FAT3: variants seen among roughly 807,000 people sequenced by gnomAD.
FAT3 encodes FAT atypical cadherin 3, also known as protocadherin Fat 3.
In FAT3, 95 loss-of-function variants were observed where a neutral mutation model predicts 310.2. The observed-to-expected ratio is 0.31, with a 90% CI of 0.26 to 0.36. The LOEUF is 0.36. Ranked by LOEUF, FAT3 falls within the 10% of genes least tolerant of loss-of-function variation. The pLI is 1.00. For synonymous variants in FAT3, 2,314 were observed against 2,192.9 expected (o/e 1.06, Z -1.54); for missense variants, 5,408 against 5,715.6 (o/e 0.95, Z 1.74).
At chr11:92,661,357 C>G (rs1942773394) in intron 3 of FAT3, among the ~76,000 whole-genome samples, 1 of 152,166 alleles carries the variant, frequency 6.6e-6, no homozygotes, top group African/African-American at 2.4e-5. Context: ...GTCTTTTGAA[C>G]CCTGGCAGTC....
chr11:92,311,329 G>A (rs975911218), intron 1 of FAT3, among the ~76,000 whole-genome samples: 2 of 152,106 alleles, frequency 1.3e-5, no homozygotes, highest in African/African-American at 2.4e-5. Context: ...TAGTAGCATA[G>A]GATGTATTTT....
chr11:92,509,161 AC>A (rs1372804095), intron 2 of FAT3, among the ~76,000 whole-genome samples: 1 of 152,182 alleles, frequency 6.6e-6, no homozygotes, highest in East Asian at 1.9e-4. Context: ...TTATCTCTCT[AC>A]ATGGTAAATG....
chr11:92,767,069 C>A (rs938327462), intron 6 of FAT3, among the ~76,000 whole-genome samples: 1 of 151,838 alleles, frequency 6.6e-6, no homozygotes, highest in Admixed American at 6.6e-5. Flanking sequence ...TCCAACATGG[C>A]GAAACCCCAT....
At chr11:92,474,385 A>G (rs939111847) in intron 2 of FAT3, among the ~76,000 whole-genome samples, 2 of 152,218 alleles carry the variant, frequency 1.3e-5, no homozygotes, top group African/African-American at 4.8e-5. Flanking sequence ...ATGAACTCCT[A>G]TAAAAAGCCT....
At chr11:92,624,938 T>C (rs964986495) in intron 3 of FAT3, among the ~76,000 whole-genome samples, 71 of 152,370 alleles carry the variant, frequency 4.7e-4, no homozygotes, top group African/African-American at 1.7e-3. Context: ...ATCACCTTCC[T>C]CTATGCATTT....
intron 4 of FAT3, among the ~76,000 whole-genome samples, chr11:92,700,821 G>T (rs1038446445): frequency 6.6e-6 from 1 of 152,132 alleles, no homozygotes; most frequent in East Asian, 1.9e-4. Flanking sequence ...TATGCACACT[G>T]TCTCACTCTC....
intron 2 of FAT3, among the ~76,000 whole-genome samples, chr11:92,513,961 A>C (rs1174418534): frequency 6.6e-6 from 1 of 152,196 alleles, no homozygotes; most frequent in Non-Finnish European, 1.5e-5. Flanking sequence ...GGCATGTGGC[A>C]TATGGGGATA....
At chr11:92,526,345 A>C (rs1488063730) in intron 3 of FAT3, among the ~76,000 whole-genome samples, 1 of 152,162 alleles carries the variant, frequency 6.6e-6, no homozygotes, top group East Asian at 1.9e-4. Context: ...AGAGAGAACA[A>C]AAACAAAAAC....
chr11:92,443,252 A>G (rs988879750), intron 2 of FAT3, among the ~76,000 whole-genome samples: 1 of 152,202 alleles, frequency 6.6e-6, no homozygotes, highest in African/African-American at 2.4e-5. Context: ...TTCTAAAAAT[A>G]AGCTTTCCTA....
rs182731900 is a variant in FAT3, at chr11:92,840,784, T to C, written c.10566+25T>C. The C allele has an allele frequency of 5.7e-5, 85 of 1,501,846 alleles. No individual in the cohort carries two copies. In the Admixed American group the frequency reaches 1.6e-3, roughly 28 times the overall value. 93.0% of individuals were successfully genotyped at this position (1,501,846 alleles called of 1,614,324 possible). On this transcript the variant is annotated intron_variant, in intron 18 of 27. Transcript: ENST00000525166. ...GGTATGGCATCGCACTCTGTCTCCGTCGTGCTGTCTTTCTTTCTCATGCTT... is the reference window on the plus strand; with the variant it reads ...GGTATGGCATCGCACTCTGTCTCCGCCGTGCTGTCTTTCTTTCTCATGCTT...
chr11:92,608,264 T>A (rs988519366), intron 3 of FAT3, among the ~76,000 whole-genome samples: 3 of 152,132 alleles, frequency 2.0e-5, no homozygotes, highest in African/African-American at 7.2e-5. Context: ...TTCTAGTGAG[T>A]TGTTTGAGGC....
chr11:92,662,488 T>C (rs1942820020), intron 3 of FAT3, among the ~76,000 whole-genome samples: 2 of 152,214 alleles, frequency 1.3e-5, no homozygotes, highest in African/African-American at 4.8e-5. Context: ...TGCTGACAAC[T>C]GAGGTTACAG....
intron 2 of FAT3, among the ~76,000 whole-genome samples, chr11:92,516,902 G>C (rs1329752655): frequency 6.6e-6 from 1 of 151,784 alleles, no homozygotes; most frequent in African/African-American, 2.4e-5. Context: ...ACTACAAAGA[G>C]AATAAAATAC....
chr11:92,512,825 C>T (rs960230429), intron 2 of FAT3, among the ~76,000 whole-genome samples: 1 of 148,232 alleles, frequency 6.7e-6, no homozygotes, highest in Non-Finnish European at 1.5e-5. Context: ...TTATAAACAT[C>T]TAAGTTAAGA....
chr11:92,397,927 A>G (rs1004876660), intron 2 of FAT3, among the ~76,000 whole-genome samples: 13 of 152,138 alleles, frequency 8.5e-5, no homozygotes, highest in African/African-American at 3.1e-4. Context: ...AAATACACAC[A>G]TACATACATA....
chr11:92,383,919 C>T (rs920712406), intron 2 of FAT3, among the ~76,000 whole-genome samples: 1 of 152,032 alleles, frequency 6.6e-6, no homozygotes, highest in African/African-American at 2.4e-5. Flanking sequence ...TGTGATATTC[C>T]TTTTCCTGCT....
chr11:92,380,513 T>C (rs1458458852), intron 2 of FAT3, among the ~76,000 whole-genome samples: 2 of 152,312 alleles, frequency 1.3e-5, no homozygotes, highest in East Asian at 3.9e-4. Flanking sequence ...GCGGTGCCCA[T>C]GTGTCCTTCA....
chr11:92,572,897 G>A (rs553410340), intron 3 of FAT3, among the ~76,000 whole-genome samples: 1 of 152,286 alleles, frequency 6.6e-6, no homozygotes, highest in East Asian at 1.9e-4. Context: ...AGAAGATGGT[G>A]CCTAGAATTC....
At chr11:92,395,201 GTCT>G (rs1174411232) in intron 2 of FAT3, among the ~76,000 whole-genome samples, 1 of 152,026 alleles carries the variant, frequency 6.6e-6, no homozygotes, top group Non-Finnish European at 1.5e-5. Flanking sequence ...TTCTCACTTT[GTCT>G]TCCTGTAATG....
Sources: gnomAD v4.1 joint callset for allele counts (sites outside exome capture counted in the v4.1 genomes callset) on GRCh38, gnomAD v4.1.1 for gene constraint, MANE v1.5 for transcripts, NCBI Gene and HGNC (gene_info 2026-07-23, HGNC 2026-07-21) for gene names.